MEF2C: variants seen among roughly 807,000 people sequenced by gnomAD.
MEF2C encodes the protein myocyte-specific enhancer factor 2C.
A neutral mutation model predicts 50.5 loss-of-function variants in MEF2C; 6 were observed. That is an observed-to-expected ratio of 0.12 (90% confidence interval 0.07 to 0.23). The LOEUF (loss-of-function observed/expected upper bound fraction) is 0.23. Ranked by LOEUF, MEF2C falls within the 10% of genes least tolerant of loss-of-function variation. MEF2C has a pLI of 1.00. For synonymous variants in MEF2C, 183 were observed against 228.0 expected (o/e 0.80, Z 1.78); for missense variants, 276 against 605.0 (o/e 0.46, Z 5.70).
At chr5:88,735,781 G>T in intron 6 of MEF2C, 3 of 985,340 alleles carry the variant, frequency 3.0e-6, no homozygotes, top group Non-Finnish European at 3.6e-6. Context: ...TAAATTCAAA[G>T]AACATATTCC....
intron 6 of MEF2C, among the ~76,000 whole-genome samples, chr5:88,745,831 A>C (rs1413199004): frequency 6.6e-6 from 1 of 152,090 alleles, no homozygotes; most frequent in Admixed American, 6.5e-5. Context: ...CACACATACA[A>C]ACACACAGTA....
Position 88,733,584 on chromosome 5 carries a change from C to A in MEF2C, c.638-1683G>T, listed in dbSNP as rs906809279. On this transcript the variant is annotated intron_variant, in intron 6 of 10. Transcript: ENST00000504921. ...GGGAAGGCAGAGCAAAGGTATATTTCAGGAGATATTTATGGGAACATCTTT... is the reference window on the plus strand; with the variant it reads ...GGGAAGGCAGAGCAAAGGTATATTTAAGGAGATATTTATGGGAACATCTTT... 5.1e-6 allele frequency: 5 copies of A among 985,210 alleles called. No individual in the cohort carries two copies. In the East Asian group the frequency reaches 4.5e-4, roughly 89 times the overall value. The allele number at this position is 985,210 out of a possible 1,614,324, so 61.0% of individuals were successfully genotyped here.
At chr5:88,759,519 C>T (rs1322092470) in intron 4 of MEF2C, among the ~76,000 whole-genome samples, 1 of 151,922 alleles carries the variant, frequency 6.6e-6, no homozygotes, top group Non-Finnish European at 1.5e-5. Context: ...AAAAATTGGC[C>T]CAAATGAGCC....
chr5:88,752,016 G>C lies in MEF2C; in HGVS notation c.430C>G (p.Pro144Ala). Reference protein sequence around the residue: ...CAVPPPNFEMPVSIPVSSHNS... With the variant: ...CAVPPPNFEMAVSIPVSSHNS... ...TGGCTGGACACTGGGATGGAGACTG[G>C]CATCTCGAAGTTGGGAGGTGGAACA... is the stretch of plus-strand genomic sequence containing the variant. The change falls in exon 5 of 11, where the codon CCA becomes GCA. Residue 144 changes from proline (P) to alanine (A), a missense_variant. This residue lies in a region of MEF2C where 256 missense variants were observed against 468.1 expected (regional missense o/e 0.55). Transcript: ENST00000504921. 1 of 1,610,276 alleles carries C rather than the reference G, an allele frequency of 6.2e-7. No homozygotes were observed. Among genetic ancestry groups the C allele is most frequent in the Admixed American group, 1.7e-5 (1 of 59,828 alleles).
intron 7 of MEF2C, 34 bp from the exon 8 acceptor site, chr5:88,730,268 T>C: frequency 1.3e-6 from 2 of 1,559,418 alleles, no homozygotes; most frequent in Non-Finnish European, 1.7e-6. Context: ...TATTAATTAG[T>C]GTCCGTAAAT....
intron 3 of MEF2C, among the ~76,000 whole-genome samples, chr5:88,767,282 T>C (rs2152738946): frequency 6.6e-6 from 1 of 152,392 alleles, no homozygotes; most frequent in Non-Finnish European, 1.5e-5. Flanking sequence ...TGTATGGTTT[T>C]TGCCTTAGGC....
intron 1 of MEF2C, among the ~76,000 whole-genome samples, chr5:88,902,412 T>G (rs1409856492): frequency 6.6e-6 from 1 of 151,910 alleles, no homozygotes; most frequent in Non-Finnish European, 1.5e-5. Flanking sequence ...GTTTTAATGT[T>G]TTAAAATAGG....
At chr5:88,740,675 T>C in intron 6 of MEF2C, 2 of 970,964 alleles carry the variant, frequency 2.1e-6, no homozygotes, top group Non-Finnish European at 2.4e-6. Context: ...ATGTCTCCAG[T>C]ACAAAAAAAA....
intron 1 of MEF2C, among the ~76,000 whole-genome samples, chr5:88,832,472 T>C (rs1014610144): frequency 3.3e-5 from 5 of 152,104 alleles, no homozygotes; most frequent in Non-Finnish European, 5.9e-5. Flanking sequence ...ATATGCCCAA[T>C]TGTAAGTTCT....
intron 6 of MEF2C, chr5:88,740,238 G>GTA (rs1765994996): frequency 1.2e-6 from 1 of 802,724 alleles, no homozygotes; most frequent in African/African-American, 2.0e-5. Flanking sequence ...TTTTGCGTGT[G>GTA]TGTGTGTGTG....
At chr5:88,881,147 C>A (rs1310514282) in intron 1 of MEF2C, 5 of 151,934 alleles carry the variant, frequency 3.3e-5, no homozygotes, top group Non-Finnish European at 7.4e-5. Context: ...GACGGGAGAA[C>A]CAAATTTTAA....
intron 6 of MEF2C, chr5:88,732,441 T>C (rs1762108887): frequency 1.3e-5 from 2 of 152,636 alleles, no homozygotes; most frequent in African/African-American, 4.8e-5. Flanking sequence ...ATTCTCTCTA[T>C]GGTTTTTCTT....
At chr5:88,744,725 T>TCCTGC (rs1768532920) in intron 6 of MEF2C, among the ~76,000 whole-genome samples, 1 of 152,242 alleles carries the variant, frequency 6.6e-6, no homozygotes, top group Admixed American at 6.5e-5. Context: ...TATATTTCTC[T>TCCTGC]TATACCAAGA....
chr5:88,742,002 T>C (rs981876535), intron 6 of MEF2C: 1 of 985,210 alleles, frequency 1.0e-6, no homozygotes. Context: ...AAATATTCTT[T>C]GGATTGAAAT....
At chr5:88,867,429 T>G (rs972439304) in intron 1 of MEF2C, among the ~76,000 whole-genome samples, 5 of 152,208 alleles carry the variant, frequency 3.3e-5, no homozygotes, top group Admixed American at 3.3e-4. Context: ...CAAGTTACTT[T>G]GTAAATTTTT....
chr5:88,800,057 T>C (rs1174473573), intron 3 of MEF2C, among the ~76,000 whole-genome samples: 2 of 152,214 alleles, frequency 1.3e-5, no homozygotes, highest in African/African-American at 4.8e-5. Context: ...TTGTGTTTTA[T>C]TCCCCTTCCA....
intron 2 of MEF2C, among the ~76,000 whole-genome samples, chr5:88,805,231 A>T (rs1799892938): frequency 6.6e-6 from 1 of 152,238 alleles, no homozygotes; most frequent in South Asian, 2.1e-4. Context: ...AACAAGTCTT[A>T]AAATTGTCTA....
chr5:88,872,968 C>T (rs1215616802), intron 1 of MEF2C, among the ~76,000 whole-genome samples: 2 of 151,960 alleles, frequency 1.3e-5, no homozygotes, highest in Admixed American at 6.6e-5. Flanking sequence ...TTTAAACGAT[C>T]TTCTCTCTCG....
intron 1 of MEF2C, among the ~76,000 whole-genome samples, chr5:88,864,487 GTGTATATATT>G (rs1473738007): frequency 6.6e-6 from 1 of 151,280 alleles, no homozygotes; most frequent in African/African-American, 2.4e-5. Flanking sequence ...TGGTGTATGT[GTGTATATATT>G]TGTATATTTG....
Sources: gnomAD v4.1 joint callset for allele counts (sites outside exome capture counted in the v4.1 genomes callset) on GRCh38, gnomAD v4.1.1 for gene constraint, gnomAD v4.1.1 regional missense constraint, MANE v1.5 for transcripts, NCBI Gene and HGNC (gene_info 2026-07-23, HGNC 2026-07-21) for gene names.